RBFOX1: variants seen among roughly 807,000 people sequenced by gnomAD.
RBFOX1 encodes RNA binding fox-1 homolog 1, also known as RNA binding protein fox-1 homolog 1.
A neutral mutation model predicts 57.7 loss-of-function variants in RBFOX1; 8 were observed. That is an observed-to-expected ratio of 0.14 (90% CI 0.08 to 0.25). The LOEUF is 0.25. Ranked by LOEUF, RBFOX1 falls within the 10% of genes least tolerant of loss-of-function variation. RBFOX1 has a pLI of 1.00. For missense variants in RBFOX1, 611 were observed against 548.5 expected (o/e 1.11, Z -1.14); for synonymous variants, 326 against 222.4 (o/e 1.47, Z -4.15).
chr16:5,566,665 T>C (rs2046083306), intron 2 of RBFOX1, among the ~76,000 whole-genome samples: 1 of 94,848 alleles, frequency 1.1e-5, no homozygotes, highest in Non-Finnish European at 1.9e-5. Flanking sequence ...TATATATGTA[T>C]ATGTGTGTAT....
At chr16:5,403,306 T>C in intron 1 of RBFOX1, among the ~76,000 whole-genome samples, 1 of 141,646 alleles carries the variant, frequency 7.1e-6, no homozygotes, top group African/African-American at 2.7e-5. Flanking sequence ...GCCGAGATCG[T>C]GCCATTGCAC....
chr16:6,424,261 A>T (rs1279438928), intron 2 of RBFOX1, among the ~76,000 whole-genome samples: 1 of 152,176 alleles, frequency 6.6e-6, no homozygotes, highest in African/African-American at 2.4e-5. Context: ...ACAAATGAAC[A>T]AACAAACAAC....
chr16:7,206,379 A>C (rs1020125772), intron 4 of RBFOX1, among the ~76,000 whole-genome samples: 8 of 151,952 alleles, frequency 5.3e-5, no homozygotes, highest in African/African-American at 1.7e-4. Flanking sequence ...TAAATACACT[A>C]CATGCATTTT....
chr16:7,533,984 T>TA (rs1446429218), intron 5 of RBFOX1, among the ~76,000 whole-genome samples: 1 of 152,002 alleles, frequency 6.6e-6, no homozygotes, highest in East Asian at 1.9e-4. Context: ...AAAGAGACTC[T>TA]AAACGGTTGT....
At chr16:5,463,660 C>T (rs62016427) in intron 1 of RBFOX1, among the ~76,000 whole-genome samples, 3,848 of 151,928 alleles carry the variant, frequency 0.025, 54 homozygotes, top group Non-Finnish European at 0.038. Flanking sequence ...ATTAGCCAGA[C>T]GTGCTGACAC....
At chr16:5,629,575 G>A (rs546163988) in intron 3 of RBFOX1, among the ~76,000 whole-genome samples, 1 of 152,336 alleles carries the variant, frequency 6.6e-6, no homozygotes, top group African/African-American at 2.4e-5. Context: ...CTGAGAAGCT[G>A]CTTTAGCTTA....
chr16:6,293,816 G>A (rs1782597841), intron 1 of RBFOX1, among the ~76,000 whole-genome samples: 1 of 106,724 alleles, frequency 9.4e-6, no homozygotes, highest in Admixed American at 8.7e-5. Context: ...GAAGTGGGAT[G>A]AATAAAACCT....
intron 2 of RBFOX1, among the ~76,000 whole-genome samples, chr16:6,341,033 C>G (rs913962227): frequency 6.6e-6 from 1 of 152,098 alleles, no homozygotes; most frequent in Non-Finnish European, 1.5e-5. Context: ...TCTCTAGGGT[C>G]TTGTAGGGCA....
At chr16:5,547,195 T>C (rs1175910043) in intron 2 of RBFOX1, among the ~76,000 whole-genome samples, 1 of 152,154 alleles carries the variant, frequency 6.6e-6, no homozygotes, top group Non-Finnish European at 1.5e-5. Context: ...AGTTTGACAG[T>C]TTTCTAACTG....
intron 1 of RBFOX1, among the ~76,000 whole-genome samples, chr16:5,288,781 A>G (rs1410333790): frequency 6.6e-6 from 1 of 152,060 alleles, no homozygotes; most frequent in Non-Finnish European, 1.5e-5. Context: ...GCTGTTAAGA[A>G]AACCCAGCAT....
chr16:6,193,947 C>T (rs1260359883), intron 1 of RBFOX1, among the ~76,000 whole-genome samples: 1 of 152,286 alleles, frequency 6.6e-6, no homozygotes, highest in African/African-American at 2.4e-5. Context: ...CTGACCTCCG[C>T]CTCTTGGCTT....
intron 2 of RBFOX1, among the ~76,000 whole-genome samples, chr16:5,498,119 G>T (rs995776685): frequency 6.6e-6 from 1 of 152,068 alleles, no homozygotes; most frequent in African/African-American, 2.4e-5. Flanking sequence ...GTCTTAGTAA[G>T]GGGATTGCAT....
At chr16:7,452,943 A>G (rs1407642625) in intron 4 of RBFOX1, among the ~76,000 whole-genome samples, 2 of 152,138 alleles carry the variant, frequency 1.3e-5, no homozygotes, top group Non-Finnish European at 1.5e-5. Context: ...AGCCTGGCCA[A>G]CATGGTGAAA....
chr16:7,453,230 G>C (rs1447123386), intron 4 of RBFOX1, among the ~76,000 whole-genome samples: 1 of 152,124 alleles, frequency 6.6e-6, no homozygotes, highest in African/African-American at 2.4e-5. Context: ...TGATCGAAGG[G>C]GTAGGAGGTT....
intron 4 of RBFOX1, among the ~76,000 whole-genome samples, chr16:7,378,462 C>G (rs1283938795): frequency 6.6e-6 from 1 of 152,128 alleles, no homozygotes; most frequent in Non-Finnish European, 1.5e-5. Flanking sequence ...TGCTGTCTTC[C>G]AAGCCTTCTG....
rs377308778 is a variant in RBFOX1 at position 7,710,485 on chromosome 16, G to C, written c.1072-138G>C. On this transcript the variant is annotated intron_variant, in intron 15 of 15. Coordinates refer to ENST00000550418, the MANE Select transcript of RBFOX1 (RefSeq NM_018723.4). ...AATGGCCCTATCTTTAGTTCTCCAA[G>C]AATGACCTGGGATGGGTAGGGGGTG... 12 of 1,532,988 alleles carry C rather than the reference G, an allele frequency of 7.8e-6. No homozygotes were observed. In the African/African-American group the frequency reaches 1.5e-4, roughly 20 times the overall value. 95.0% of individuals were successfully genotyped at this position (1,532,988 alleles called of 1,614,324 possible). A position where few individuals can be genotyped will look rare whatever the true frequency, so the allele number is the denominator to read the frequency against.
intron 4 of RBFOX1, among the ~76,000 whole-genome samples, chr16:7,365,123 C>A (rs1351741575): frequency 1.3e-5 from 2 of 152,190 alleles, no homozygotes; most frequent in Non-Finnish European, 2.9e-5. Flanking sequence ...AAACCATATA[C>A]AACCTCATGA....
chr16:6,342,521 G>A (rs538093075), intron 2 of RBFOX1, among the ~76,000 whole-genome samples: 2 of 152,066 alleles, frequency 1.3e-5, no homozygotes, highest in African/African-American at 4.8e-5. Flanking sequence ...GATGTGCACA[G>A]CAACCTCACG....
At chr16:5,577,365 G>T (rs1323498961) in intron 2 of RBFOX1, among the ~76,000 whole-genome samples, 1 of 152,140 alleles carries the variant, frequency 6.6e-6, no homozygotes, top group Non-Finnish European at 1.5e-5. Flanking sequence ...CTGTTGGCGG[G>T]GGGGTCTCAC....
Sources: gnomAD v4.1 joint callset for allele counts (sites outside exome capture counted in the v4.1 genomes callset) on GRCh38, gnomAD v4.1.1 for gene constraint, MANE v1.5 for transcripts, NCBI Gene and HGNC (gene_info 2026-07-23, HGNC 2026-07-21) for gene names.